TRHDE: variants seen among roughly 807,000 people sequenced by gnomAD.
The protein encoded by TRHDE is thyrotropin releasing hormone degrading enzyme, also known as thyrotropin-releasing hormone-degrading ectoenzyme.
In TRHDE, 72 loss-of-function variants were observed where a neutral mutation model predicts 125.7. The observed-to-expected ratio is 0.57, with a 90% CI of 0.47 to 0.70. The LOEUF is 0.70. TRHDE is among the 30% of genes least tolerant of loss of function. The probability of loss-of-function intolerance (pLI) is 0.00; values close to 1 mark genes in which losing one functional copy is unlikely to be tolerated. For missense variants in TRHDE, 1,110 were observed against 1,327.1 expected, an observed-to-expected ratio of 0.84 and a Z score of 2.54; for synonymous variants, 509 against 509.1, an observed-to-expected ratio of 1.00 and a Z score of 0.00.
chr12:72,129,506 G>A (rs1875812609), intron 2 of TRHDE, among the ~76,000 whole-genome samples: 1 of 152,190 alleles, frequency 6.6e-6, no homozygotes, highest in African/African-American at 2.4e-5. Flanking sequence ...TTCCCCTAAG[G>A]ATGTATACTT....
At chr12:72,094,096 G>A (rs1440613056) in intron 1 of TRHDE, among the ~76,000 whole-genome samples, 3 of 152,176 alleles carry the variant, frequency 2.0e-5, no homozygotes, top group East Asian at 1.9e-4. Context: ...TGGTTGGTGA[G>A]CCTCTTATCA....
At chr12:72,647,697 A>C (rs929691907) in intron 15 of TRHDE, among the ~76,000 whole-genome samples, 4 of 152,124 alleles carry the variant, frequency 2.6e-5, no homozygotes, top group Admixed American at 2.6e-4. Flanking sequence ...CTTCTACAAA[A>C]TATAGCTTAT....
chr12:72,095,069 C>T (rs952553158), intron 1 of TRHDE, among the ~76,000 whole-genome samples: 5 of 152,202 alleles, frequency 3.3e-5, no homozygotes, highest in Non-Finnish European at 7.3e-5. Context: ...CATACCAGCT[C>T]TGAAGGACAG....
chr12:72,122,003 A>C (rs1366645166), intron 2 of TRHDE, among the ~76,000 whole-genome samples: 1 of 151,918 alleles, frequency 6.6e-6, no homozygotes, highest in Non-Finnish European at 1.5e-5. Flanking sequence ...AGCTTTTCTG[A>C]ATCCTGTCTT....
intron 2 of TRHDE, among the ~76,000 whole-genome samples, chr12:72,135,228 C>A (rs185130199): frequency 6.6e-6 from 1 of 152,194 alleles, no homozygotes; most frequent in Non-Finnish European, 1.5e-5. Flanking sequence ...TCTCCATAGC[C>A]TCTTCAGCTT....
At chr12:72,097,347 A>G (rs753076138) in intron 1 of TRHDE, among the ~76,000 whole-genome samples, 3 of 151,700 alleles carry the variant, frequency 2.0e-5, no homozygotes, top group Non-Finnish European at 4.4e-5. Flanking sequence ...TTTTAGAAAC[A>G]GATGATGTTT....
At chr12:72,430,282 TGTG>T (rs1190523319) in intron 3 of TRHDE, among the ~76,000 whole-genome samples, 6 of 145,762 alleles carry the variant, frequency 4.1e-5, no homozygotes, top group Admixed American at 6.9e-5. Context: ...ATAAAACTGT[TGTG>T]TGTGTGTATA....
rs978239781 is a variant in TRHDE at position 72,519,332 on chromosome 12, C to A, written c.1722+19697C>A. On this transcript the variant is annotated intron_variant, in intron 6 of 18. Coordinates refer to ENST00000261180, the MANE Select transcript of TRHDE (RefSeq NM_013381.3). ...CACATAGTCCCATATTTCTTGGCGG[C>A]TTTACTCATTTCTTTTTATTCTTTT... 2.0e-5 allele frequency among the ~76,000 whole-genome samples: 3 copies of A among 152,164 alleles called. No homozygotes were observed. In the East Asian group the frequency reaches 5.8e-4, roughly 29 times the overall value.
chr12:72,332,469 T>C (rs1262746909), intron 2 of TRHDE, among the ~76,000 whole-genome samples: 2 of 152,052 alleles, frequency 1.3e-5, no homozygotes, highest in Non-Finnish European at 2.9e-5. Context: ...AAATCTTGAG[T>C]GAGAACCCAC....
chr12:72,624,944 AG>A (rs985584339), intron 15 of TRHDE, among the ~76,000 whole-genome samples: 1 of 151,780 alleles, frequency 6.6e-6, no homozygotes, highest in African/African-American at 2.4e-5. Context: ...TAAAAAAAAA[AG>A]ACACAGAAAA....
At chr12:72,348,702 A>G (rs1243685055) in intron 2 of TRHDE, among the ~76,000 whole-genome samples, 1 of 152,068 alleles carries the variant, frequency 6.6e-6, no homozygotes, top group Non-Finnish European at 1.5e-5. Context: ...TTCTTAAATT[A>G]AAAAATGCAT....
At chr12:72,104,021 T>C (rs675534) in intron 1 of TRHDE, among the ~76,000 whole-genome samples, 1 of 152,032 alleles carries the variant, frequency 6.6e-6, no homozygotes, top group South Asian at 2.1e-4. Context: ...CTGACCTCCA[T>C]TGTCTGGAGG....
At position 72,212,310 on chromosome 12, in the gene TRHDE, T is replaced by C. The variant is rs374398009; in HGVS notation, n.279+106558T>C. 5.4e-4 allele frequency among the ~76,000 whole-genome samples: 82 copies of C among 152,040 alleles called. 2 individuals are homozygous for C. The South Asian group carries it at 0.016, about 30-fold the overall frequency. ...AAGACTTAGGAGTTAGTCTTTATGA[T>C]TGACTTTTTAGATTTAATACCAGAA... On this transcript the variant is annotated intron_variant and non_coding_transcript_variant, in intron 2 of 4. Transcript: ENST00000548156.
At chr12:72,430,901 C>A (rs541183207) in intron 3 of TRHDE, among the ~76,000 whole-genome samples, 4 of 151,888 alleles carry the variant, frequency 2.6e-5, no homozygotes, top group Non-Finnish European at 5.9e-5. Flanking sequence ...CTTTTTAAAA[C>A]TAATTTAGGT....
chr12:72,122,712 CA>C (rs1875616214), intron 2 of TRHDE, among the ~76,000 whole-genome samples: 1 of 151,940 alleles, frequency 6.6e-6, no homozygotes, highest in Non-Finnish European at 1.5e-5. Flanking sequence ...CTAATATAGA[CA>C]TTACTCTAGA....
intron 7 of TRHDE, among the ~76,000 whole-genome samples, chr12:72,554,476 A>G (rs1869828174): frequency 6.6e-6 from 1 of 152,208 alleles, no homozygotes; most frequent in South Asian, 2.1e-4. Context: ...CCTAGTTTAT[A>G]TATATCTTCT....
At chr12:72,450,292 C>T (rs1875508421) in intron 3 of TRHDE, among the ~76,000 whole-genome samples, 1 of 151,938 alleles carries the variant, frequency 6.6e-6, no homozygotes, top group Non-Finnish European at 1.5e-5. Flanking sequence ...GATTTTCAAC[C>T]TTCATTTCAC....
chr12:72,645,201 AAAG>A (rs1874233060), intron 15 of TRHDE, among the ~76,000 whole-genome samples: 1 of 152,224 alleles, frequency 6.6e-6, no homozygotes, highest in Non-Finnish European at 1.5e-5. Context: ...AAACTATCAT[AAAG>A]AAGATCACTG....
chr12:72,238,323 CATAT>C lies in TRHDE; in HGVS notation n.279+132579_279+132582del, dbSNP rs1234151305. On this transcript the variant is annotated intron_variant and non_coding_transcript_variant, in intron 2 of 4. Coordinates refer to the TRHDE transcript ENST00000548156. Reference sequence around the variant, plus strand: ...ATATATATATATATATATATATATACATATATATATACACATTATATATATATAT... The same window carrying C: ...ATATATATATATATATATATATATACATATATACACATTATATATATATAT... 2.2e-4 allele frequency among the ~76,000 whole-genome samples: 3 copies of C among 13,670 alleles called. 1 individual carries two copies. The highest frequency in any genetic ancestry group is 3.8e-4 in the African/African-American group (2 of 5,234). The allele number at this position is 13,670 out of a possible 152,430, so 9.0% of individuals were successfully genotyped here. A position where few individuals can be genotyped will look rare whatever the true frequency, so the allele number is the denominator to read the frequency against.
Sources: gnomAD v4.1 joint callset for allele counts (sites outside exome capture counted in the v4.1 genomes callset) on GRCh38, gnomAD v4.1.1 for gene constraint, MANE v1.5 for transcripts, NCBI Gene and HGNC (gene_info 2026-07-23, HGNC 2026-07-21) for gene names.